The following NMNAT1 variants were observed in gnomAD, a reference collection of about 807,000 sequenced individuals.
NMNAT1 encodes nicotinamide nucleotide adenylyltransferase 1.
Under a neutral mutation model 16.7 loss-of-function variants are expected in NMNAT1, and 11 were observed. The ratio of observed to expected loss-of-function variants is 0.66; its 90% confidence interval spans 0.41 to 1.09. The LOEUF (loss-of-function observed/expected upper bound fraction) is 1.09. NMNAT1 is among the 50% of genes least tolerant of loss of function. The pLI is 0.00. For synonymous variants in NMNAT1, 110 were observed against 119.8 expected (o/e 0.92, Z 0.53); for missense variants, 280 against 332.3 (o/e 0.84, Z 1.22).
In NMNAT1 at chr1:9,982,801, A is replaced by G; in HGVS notation, c.*100A>G. 1 of 1,266,038 alleles carries G rather than the reference A, an allele frequency of 7.9e-7. No homozygotes were observed. The highest frequency in any genetic ancestry group is 1.1e-6 in the Non-Finnish European group (1 of 924,028). 78.4% of individuals were successfully genotyped at this position (1,266,038 alleles called of 1,614,324 possible). A position where few individuals can be genotyped will look rare whatever the true frequency, so the allele number is the denominator to read the frequency against. ...GAAGTTGTGATCTGTTGCCTAAACT[A>G]AAGCTTAAAAGTTTAGTAAAAATCG... On this transcript the variant is annotated 3_prime_UTR_variant, in exon 5 of 5. Transcript: ENST00000377205.
chr1:9,955,028 T>TA (rs772658746), intron 1 of NMNAT1, among the ~76,000 whole-genome samples: 34 of 152,120 alleles, frequency 2.2e-4, no homozygotes, highest in Non-Finnish European at 3.5e-4. Flanking sequence ...CTCACGCCTG[T>TA]AATCCCAGCA....
chr1:9,981,316 G>GCT (rs1641943609), intron 4 of NMNAT1, 146 bp downstream of exon 4: 1 of 1,295,064 alleles, frequency 7.7e-7, no homozygotes, highest in Non-Finnish European at 1.0e-6. Flanking sequence ...CTCACTGCAA[G>GCT]CTCTGCCTCC....
At chr1:9,980,488 T>C (rs909337707) in intron 3 of NMNAT1, among the ~76,000 whole-genome samples, 8 of 150,560 alleles carry the variant, frequency 5.3e-5, no homozygotes, top group African/African-American at 1.9e-4. Context: ...CTGAGCGTGG[T>C]GGTGCGCCCC....
intron 1 of NMNAT1, among the ~76,000 whole-genome samples, chr1:9,948,386 G>A (rs1039959308): frequency 9.9e-5 from 15 of 152,080 alleles, no homozygotes; most frequent in African/African-American, 3.6e-4. Context: ...ACCAGTCTGG[G>A]CAATATAGTG....
At chr1:9,974,440 G>A (rs1641762003) in intron 2 of NMNAT1, among the ~76,000 whole-genome samples, 1 of 150,030 alleles carries the variant, frequency 6.7e-6, no homozygotes, top group African/African-American at 2.5e-5. Flanking sequence ...TCAGGCTGGA[G>A]TGCAGTGGCA....
At chr1:9,952,571 T>A (rs1641141480) in intron 1 of NMNAT1, 1 of 152,110 alleles carries the variant, frequency 6.6e-6, no homozygotes, top group Non-Finnish European at 1.5e-5. Flanking sequence ...AGAGTCTCAC[T>A]CTGTCACCCA....
At chr1:9,981,281 C>T in intron 4 of NMNAT1, 111 bp downstream of exon 4, 9 of 1,477,046 alleles carry the variant, frequency 6.1e-6, no homozygotes, top group East Asian at 2.6e-5. Flanking sequence ...ATCACCCAGG[C>T]TGGAGTGCAG....
chr1:9,970,745 T>C (rs930721094), intron 1 of NMNAT1, among the ~76,000 whole-genome samples: 14 of 152,128 alleles, frequency 9.2e-5, no homozygotes, highest in African/African-American at 3.1e-4. Flanking sequence ...CTTATGTTAC[T>C]TCATTAGGGT....
At chr1:9,973,982 C>T (rs1358888347) in intron 2 of NMNAT1, among the ~76,000 whole-genome samples, 1 of 151,848 alleles carries the variant, frequency 6.6e-6, no homozygotes, top group East Asian at 2.0e-4. Flanking sequence ...GGATTACAGG[C>T]ACACAGCACC....
chr1:9,963,546 A>G (rs1229739101), intron 1 of NMNAT1, among the ~76,000 whole-genome samples: 1 of 151,860 alleles, frequency 6.6e-6, no homozygotes, highest in African/African-American at 2.4e-5. Context: ...AGTACCTGGG[A>G]TTACAGGCGC....
At chr1:9,950,455 C>A (rs1363213818) in intron 1 of NMNAT1, 1 of 152,210 alleles carries the variant, frequency 6.6e-6, no homozygotes, top group African/African-American at 2.4e-5. Context: ...TGCTGTTCAG[C>A]TGAAATAGCA....
chr1:9,954,322 A>G (rs1346578660), intron 1 of NMNAT1, among the ~76,000 whole-genome samples: 1 of 151,254 alleles, frequency 6.6e-6, no homozygotes, highest in Non-Finnish European at 1.5e-5. Context: ...TGACCCTCTT[A>G]CTTCAACCTC....
intron 2 of NMNAT1, among the ~76,000 whole-genome samples, chr1:9,975,391 C>G (rs1641782894): frequency 6.6e-6 from 1 of 152,148 alleles, no homozygotes; most frequent in South Asian, 2.1e-4. Flanking sequence ...ATCCCAGCTA[C>G]TCAGGAGTCT....
intron 1 of NMNAT1, among the ~76,000 whole-genome samples, chr1:9,959,373 GAAAAAAAAAA>G (rs70998331): frequency 3.4e-5 from 4 of 117,600 alleles, no homozygotes; most frequent in African/African-American, 6.6e-5. Context: ...CTCCATCTTG[GAAAAAAAAAA>G]AAAAAAAAAA....
intron 1 of NMNAT1, among the ~76,000 whole-genome samples, chr1:9,950,313 A>C (rs908070011): frequency 5.3e-5 from 8 of 151,956 alleles, no homozygotes; most frequent in African/African-American, 1.9e-4. Context: ...CTGATCTCGA[A>C]CTCCTGACCT....
chr1:9,995,626 G>A, the NMNAT1 span, among the ~76,000 whole-genome samples: 7 of 151,512 alleles, frequency 4.6e-5, no homozygotes, highest in African/African-American at 1.5e-4. Flanking sequence ...CCCAAGAGGC[G>A]GAGGTTGCAG....
the NMNAT1 span, among the ~76,000 whole-genome samples, chr1:9,994,101 C>CTT: frequency 3.6e-4 from 38 of 106,192 alleles, 1 homozygote; most frequent in African/African-American, 1.3e-3. Context: ...CAAATGTTAG[C>CTT]TTTTTTTTTT....
intron 1 of NMNAT1, among the ~76,000 whole-genome samples, chr1:9,954,287 G>T (rs1294353584): frequency 6.6e-6 from 1 of 151,838 alleles, no homozygotes; most frequent in Non-Finnish European, 1.5e-5. Flanking sequence ...ATGACTCACT[G>T]CACCCTCCAC....
At position 9,982,770 on chromosome 1, in the gene NMNAT1, G is replaced by A. The variant is rs2101716754; in HGVS notation, c.*69G>A. On this transcript the variant is annotated 3_prime_UTR_variant, in exon 5 of 5. Transcript: ENST00000377205. The stretch of plus-strand genomic sequence containing the variant: ...GAAACAATCTGGGAGTTAATAACTG[G>A]GGAAAGAAGTTGTGATCTGTTGCCT... 1.4e-6 allele frequency: 2 copies of A among 1,463,698 alleles called. No homozygotes were observed. The highest frequency in any genetic ancestry group is 4.6e-5 in the East Asian group (2 of 43,704). 90.7% of individuals were successfully genotyped at this position (1,463,698 alleles called of 1,614,324 possible). A position where few individuals can be genotyped will look rare whatever the true frequency, so the allele number is the denominator to read the frequency against.
Sources: gnomAD v4.1 joint callset for allele counts (sites outside exome capture counted in the v4.1 genomes callset) on GRCh38, gnomAD v4.1.1 for gene constraint, MANE v1.5 for transcripts, NCBI Gene and HGNC (gene_info 2026-07-23, HGNC 2026-07-21) for gene names.